HDLBP: variants seen among roughly 807,000 people sequenced by gnomAD.
HDLBP encodes high density lipoprotein binding protein.
A neutral mutation model predicts 137.3 loss-of-function variants in HDLBP; 30 were observed. The ratio of observed to expected loss-of-function variants is 0.22; its 90% confidence interval spans 0.16 to 0.30. The LOEUF is 0.30. Ranked by LOEUF, HDLBP falls within the 10% of genes least tolerant of loss-of-function variation. HDLBP has a pLI of 1.00. For missense variants in HDLBP, 1,119 were observed against 1,667.3 expected (o/e 0.67, Z 5.73); for synonymous variants, 606 against 596.0 (o/e 1.02, Z -0.24).
At chr2:241,275,690 G>C (rs1471113539) in intron 1 of HDLBP, among the ~76,000 whole-genome samples, 2 of 152,150 alleles carry the variant, frequency 1.3e-5, no homozygotes, top group Non-Finnish European at 2.9e-5. Context: ...AAAGCAACTA[G>C]AGAGAAAAGA....
chr2:241,297,514 G>A (rs2075224158), intron 1 of HDLBP, among the ~76,000 whole-genome samples: 1 of 152,166 alleles, frequency 6.6e-6, no homozygotes, highest in Non-Finnish European at 1.5e-5. Flanking sequence ...CACGCATGTA[G>A]CTGTAGGTAT....
chr2:241,279,926 T>C, intron 1 of HDLBP: 10 of 985,194 alleles, frequency 1.0e-5, no homozygotes, highest in Non-Finnish European at 1.2e-5. Context: ...ACTCCTCTCT[T>C]TGCTTTAACT....
rs772808360 is a variant in HDLBP at position 241,248,252 on chromosome 2, A to C, written c.1609T>G (p.Phe537Val). 2 of 1,613,130 alleles carry C rather than the reference A, an allele frequency of 1.2e-6. No individual in the cohort carries two copies. Residue 537 changes from phenylalanine (F) to valine (V), a missense_variant, in exon 13 of 28, where the codon TTC becomes GTC. This residue lies in a region of HDLBP where 425 missense variants were observed against 693.9 expected (regional missense o/e 0.61). Coordinates refer to ENST00000310931, the MANE Select transcript of HDLBP (RefSeq NM_005336.6). ...GERIREIRDK[F>V]PEVIINFPDP... ...TCTCTGGGAAACTTTACCTCTGGGA[A>C]TTTGTCACGAATTTCACGGATCCGT...
chr2:241,259,175 C>T (rs1015580387), intron 5 of HDLBP, among the ~76,000 whole-genome samples: 1 of 152,052 alleles, frequency 6.6e-6, no homozygotes, highest in Admixed American at 6.5e-5. Flanking sequence ...ATGCAGACAC[C>T]TCCAAAAAAT....
chr2:241,234,687 C>T (rs1338885690), intron 23 of HDLBP, among the ~76,000 whole-genome samples: 1 of 152,190 alleles, frequency 6.6e-6, no homozygotes, highest in Non-Finnish European at 1.5e-5. Flanking sequence ...CAAACGTCAG[C>T]CTTGCCAGAG....
At chr2:241,241,918 A>C (rs1021850951) in intron 17 of HDLBP, among the ~76,000 whole-genome samples, 2 of 152,152 alleles carry the variant, frequency 1.3e-5, no homozygotes, top group Non-Finnish European at 2.9e-5. Context: ...CCCAATCAAA[A>C]CGTGAAAGTG....
intron 6 of HDLBP, 34 bp downstream of exon 6, chr2:241,256,566 A>T: frequency 1.2e-6 from 2 of 1,600,500 alleles, no homozygotes; most frequent in Non-Finnish European, 1.7e-6. Context: ...ACAAGCAGGT[A>T]GGCAGGGGCA....
chr2:241,263,211 T>C (rs1254954548), intron 4 of HDLBP, among the ~76,000 whole-genome samples: 1 of 152,102 alleles, frequency 6.6e-6, no homozygotes, highest in Non-Finnish European at 1.5e-5. Context: ...TGAGAGAAAG[T>C]GGGAGGTGGA....
At chr2:241,273,735 C>A in intron 1 of HDLBP, 2 of 897,364 alleles carry the variant, frequency 2.2e-6, no homozygotes, top group South Asian at 1.0e-4. Flanking sequence ...GGGGCACACC[C>A]AGCCTTACCC....
At chr2:241,273,850 G>A (rs373684192) in intron 1 of HDLBP, among the ~76,000 whole-genome samples, 10 of 145,498 alleles carry the variant, frequency 6.9e-5, no homozygotes, top group East Asian at 5.9e-4. Flanking sequence ...AGGATCAGAC[G>A]TGTTTTTTTT....
Position 241,233,943 on chromosome 2 carries a change from C to T in HDLBP, c.3165G>A (p.Leu1055=), listed in dbSNP as rs752975081. The change falls in exon 24 of 28, where the codon CTG becomes CTA. Residue 1055 remains leucine, a synonymous_variant. Transcript: ENST00000310931. This position sits in a 1 kb window ranked among gnomAD's most constrained non-coding sequence, Gnocchi z 4.3. ...GGTATTTGGGGTCTACAGTGACACT[C>T]AGCTTAAAACTCCTTAAAGCCTACA... ...QEDRALRSFK[L]SVTVDPKYHP... The T allele has an allele frequency of 1.5e-5, 25 of 1,614,080 alleles. No homozygotes were observed. Among genetic ancestry groups the T allele is most frequent in the Non-Finnish European group, 1.9e-5 (23 of 1,180,044 alleles).
intron 21 of HDLBP, 52 bp from the exon 22 acceptor site, chr2:241,235,646 G>A (rs760140249): frequency 2.2e-5 from 29 of 1,314,686 alleles, no homozygotes; most frequent in East Asian, 6.9e-5. Flanking sequence ...GCAGAGTGAC[G>A]TTGTAAGCTC....
At chr2:241,245,223 G>A (rs145042302) in intron 16 of HDLBP, among the ~76,000 whole-genome samples, 3,136 of 150,494 alleles carry the variant, frequency 0.021, 57 homozygotes, top group Non-Finnish European at 0.032. Context: ...TGGCTCTATG[G>A]CCCAGGCTGG....
intron 4 of HDLBP, among the ~76,000 whole-genome samples, 155 bp downstream of exon 4, chr2:241,264,293 C>T (rs1320315650): frequency 1.3e-5 from 2 of 148,330 alleles, no homozygotes; most frequent in Admixed American, 6.8e-5. Context: ...ACCCGGGAGG[C>T]GGAGCGTGCA....
chr2:241,254,105 A>G (rs1307835648), intron 9 of HDLBP, among the ~76,000 whole-genome samples: 3 of 152,044 alleles, frequency 2.0e-5, no homozygotes, highest in Non-Finnish European at 2.9e-5. Context: ...GGCAACTAGT[A>G]AGACTCTGCC....
chr2:241,267,244 C>A (rs2073746249), intron 2 of HDLBP, among the ~76,000 whole-genome samples: 1 of 151,964 alleles, frequency 6.6e-6, no homozygotes, highest in African/African-American at 2.4e-5. Context: ...CAAAAAAAAA[C>A]CTCATGTTTT....
In HDLBP at chr2:241,242,455, C is replaced by T; in HGVS notation, c.2169+5G>A. On this transcript the variant is annotated splice_donor_5th_base_variant and intron_variant, in intron 17 of 27. Coordinates refer to ENST00000310931, the MANE Select transcript of HDLBP (RefSeq NM_005336.6). ...CCAAGAGTCACGCTCCCTCCCCATG[C>T]TCACCTTCTCCTCCGCCAGATGCAG... The T allele has an allele frequency of 2.5e-6, 4 of 1,612,498 alleles. No individual in the cohort carries two copies. The highest frequency in any genetic ancestry group is 3.4e-6 in the Non-Finnish European group (4 of 1,178,808).
Position 241,272,427 on chromosome 2 carries a change from C to G in HDLBP, c.-102-3886G>C. 2.0e-6 allele frequency: 2 copies of G among 984,734 alleles called. No individual in the cohort carries two copies. The highest frequency in any genetic ancestry group is 1.7e-5 in the African/African-American group (1 of 57,258). 61.0% of individuals were successfully genotyped at this position (984,734 alleles called of 1,614,324 possible). A position where few individuals can be genotyped will look rare whatever the true frequency, so the allele number is the denominator to read the frequency against. On this transcript the variant is annotated intron_variant, in intron 1 of 27. Coordinates refer to ENST00000310931, the MANE Select transcript of HDLBP (RefSeq NM_005336.6). This position sits in a 1 kb window ranked among gnomAD's most constrained non-coding sequence, Gnocchi z 5.6. ...GCACCAGGGGTGCCCCACCGAAGCC[C>G]CGGGAGGAGGCGGGGGAGCCCAGCT...
At chr2:241,290,576 C>T (rs533358581) in intron 1 of HDLBP, among the ~76,000 whole-genome samples, 62 of 151,616 alleles carry the variant, frequency 4.1e-4, no homozygotes, top group Non-Finnish European at 6.3e-4. Flanking sequence ...CGCCATTGCA[C>T]TCCAGCCTGG....
Sources: allele counts gnomAD v4.1 joint callset (sites outside exome capture counted in the v4.1 genomes callset), GRCh38; gene constraint gnomAD v4.1.1; regional missense constraint gnomAD v4.1.1; non-coding constraint Gnocchi (gnomAD v3.1); transcripts MANE v1.5; gene names NCBI Gene and HGNC (gene_info 2026-07-23, HGNC 2026-07-21).